The following CDC42BPB variants were observed in gnomAD, a reference collection of about 807,000 sequenced individuals.
CDC42BPB encodes CDC42 binding protein kinase beta.
In CDC42BPB, 37 loss-of-function variants were observed where a neutral mutation model predicts 214.9. The ratio of observed to expected loss-of-function variants is 0.17; its 90% CI spans 0.13 to 0.23. The LOEUF is 0.23. Among genes scored for constraint, CDC42BPB ranks in the 10% least tolerant of loss-of-function variants. The pLI, the probability that CDC42BPB is intolerant of heterozygous loss-of-function variation, is 1.00. For synonymous variants in CDC42BPB, 931 were observed against 884.0 expected (o/e 1.05, Z -0.94); for missense variants, 1,694 against 2,227.0 (o/e 0.76, Z 4.82).
intron 27 of CDC42BPB, 189 bp from the exon 28 acceptor site, chr14:102,946,873 G>A (rs1451615194): frequency 1.7e-5 from 17 of 984,880 alleles, no homozygotes; most frequent in South Asian, 1.4e-4. Flanking sequence ...CGGAAGGGGC[G>A]GGGTTCTAAA....
intron 3 of CDC42BPB, among the ~76,000 whole-genome samples, chr14:103,006,015 C>CAA (rs1172933917): frequency 5.3e-4 from 31 of 58,084 alleles, no homozygotes; most frequent in Middle Eastern, 9.8e-3. Flanking sequence ...AGAGACGTCT[C>CAA]AAAAAAAAAA....
At chr14:103,056,546 C>G (rs983718679) in intron 1 of CDC42BPB, among the ~76,000 whole-genome samples, 1 of 149,768 alleles carries the variant, frequency 6.7e-6, no homozygotes, top group South Asian at 2.1e-4. Context: ...ACACTGCCTC[C>G]GGACCCCAAA....
At chr14:102,964,913 TTTTC>T in intron 18 of CDC42BPB, 1 of 366,480 alleles carries the variant, frequency 2.7e-6, no homozygotes, top group Non-Finnish European at 3.8e-6. Flanking sequence ...GTGCAATTTC[TTTTC>T]TTTTCTTTTC....
chr14:103,022,278 G>A (rs566442518), intron 1 of CDC42BPB, among the ~76,000 whole-genome samples: 1 of 152,286 alleles, frequency 6.6e-6, no homozygotes, highest in East Asian at 1.9e-4. Flanking sequence ...CAGCAGTTTT[G>A]AGGGAGGCAG....
At chr14:103,011,796 C>A (rs776004583) in intron 2 of CDC42BPB, among the ~76,000 whole-genome samples, 2 of 152,082 alleles carry the variant, frequency 1.3e-5, no homozygotes, top group African/African-American at 2.4e-5. Context: ...TTGGTCCCAA[C>A]AATCTCCCAG....
intron 26 of CDC42BPB, 64 bp from the exon 27 acceptor site, chr14:102,947,866 G>T: frequency 6.3e-7 from 1 of 1,581,540 alleles, no homozygotes; most frequent in Non-Finnish European, 8.6e-7. Context: ...GCCCTCCCAC[G>T]CCCTGCCCTG....
rs1893704217 is a variant in CDC42BPB, at chr14:102,975,669, C to T, written c.1507+15G>A. 6.2e-7 allele frequency: 1 copy of T among 1,613,222 alleles called. No homozygotes were observed. Among genetic ancestry groups the T allele is most frequent in the African/African-American group, 1.3e-5 (1 of 75,048 alleles). ...CAAAAATAGAGACTAAGAAGTCACA[C>T]TTTTAAACACATACCTGCTATTTTA... On this transcript the variant is annotated intron_variant, in intron 11 of 36. Coordinates refer to ENST00000361246, the MANE Select transcript of CDC42BPB (RefSeq NM_006035.4).
intron 1 of CDC42BPB, among the ~76,000 whole-genome samples, chr14:103,050,675 T>G (rs112326933): frequency 1.4e-4 from 22 of 152,234 alleles, no homozygotes; most frequent in African/African-American, 5.1e-4. Context: ...GAGGACTGCC[T>G]GAGCCTGGGA....
At chr14:103,050,278 A>G (rs1888528438) in intron 1 of CDC42BPB, among the ~76,000 whole-genome samples, 1 of 152,230 alleles carries the variant, frequency 6.6e-6, no homozygotes, top group Admixed American at 6.5e-5. Context: ...AGAAAAGGCT[A>G]AAATAAAATA....
intron 1 of CDC42BPB, among the ~76,000 whole-genome samples, chr14:103,021,528 C>G (rs1035202064): frequency 6.7e-6 from 1 of 149,118 alleles, no homozygotes; most frequent in Admixed American, 6.7e-5. Flanking sequence ...GCTAAAAATA[C>G]AAAAATTAGC....
intron 34 of CDC42BPB, among the ~76,000 whole-genome samples, chr14:102,938,959 C>CG (rs1891763834): frequency 1.4e-5 from 2 of 144,912 alleles, no homozygotes; most frequent in South Asian, 4.4e-4. Flanking sequence ...TTTTTTGAGA[C>CG]GGAGTCTTGC....
intron 21 of CDC42BPB, among the ~76,000 whole-genome samples, chr14:102,959,283 C>A: frequency 8.6e-6 from 1 of 116,948 alleles, no homozygotes; most frequent in African/African-American, 3.1e-5. Context: ...GGTGACAGAG[C>A]AAGACTCCGT....
Position 102,986,549 on chromosome 14 carries a change from C to G in CDC42BPB, c.628G>C (p.Val210Leu). ...TCAGCCAGGCGGATATGACCATTCA[C>G]GTCCAAAAGGACATTGTCAGGTTTA... ...DIKPDNVLLD[V>L]NGHIRLADFG... Residue 210 changes from valine to leucine, a missense_variant, in exon 6 of 37, where the codon GTG becomes CTG. By Grantham distance (32) the Val-to-Leu change is conservative (BLOSUM62 1). This residue lies in a region of CDC42BPB where 225 missense variants were observed against 459.3 expected (regional missense o/e 0.49). Transcript: ENST00000361246. The G allele has an allele frequency of 6.2e-7, 1 of 1,613,934 alleles. No homozygotes were observed. The highest frequency in any genetic ancestry group is 8.5e-7 in the Non-Finnish European group (1 of 1,179,874).
chr14:102,976,561 C>T (rs1287542314), intron 9 of CDC42BPB, among the ~76,000 whole-genome samples: 5 of 152,266 alleles, frequency 3.3e-5, no homozygotes, highest in African/African-American at 1.2e-4. Flanking sequence ...ATGACGCACA[C>T]AGCCGAGGCA....
At chr14:102,954,924 G>C in intron 21 of CDC42BPB, 1 of 427,520 alleles carries the variant, frequency 2.3e-6, no homozygotes, top group Non-Finnish European at 3.1e-6. Flanking sequence ...AGTGGTGATT[G>C]CGTGGGCAGG....
At chr14:102,948,735 G>A (rs1202323554) in intron 26 of CDC42BPB, among the ~76,000 whole-genome samples, 3 of 148,884 alleles carry the variant, frequency 2.0e-5, no homozygotes, top group Admixed American at 6.7e-5. Context: ...GAGGGGGAGC[G>A]GGGTGTGGGA....
chr14:102,985,411 G>A (rs1441118921), intron 6 of CDC42BPB, among the ~76,000 whole-genome samples: 1 of 151,970 alleles, frequency 6.6e-6, no homozygotes, highest in Non-Finnish European at 1.5e-5. Flanking sequence ...GAGGTCAGGA[G>A]GGTAACCCAT....
chr14:103,039,685 G>A (rs1266741275), intron 1 of CDC42BPB, among the ~76,000 whole-genome samples: 3 of 152,096 alleles, frequency 2.0e-5, no homozygotes, highest in African/African-American at 4.8e-5. Flanking sequence ...AAGGCTACAC[G>A]CTTTCTCCCT....
intron 11 of CDC42BPB, 132 bp from the exon 12 acceptor site, chr14:102,974,281 T>TACACACACACACACACACACAC (rs71119749): frequency 2.3e-6 from 3 of 1,316,162 alleles, no homozygotes; most frequent in Admixed American, 3.5e-5. Context: ...TTTTTTTACT[T>TACACACACACACACACACACAC]ACACACACAC....
Sources: allele counts gnomAD v4.1 joint callset (sites outside exome capture counted in the v4.1 genomes callset), GRCh38; gene constraint gnomAD v4.1.1; regional missense constraint gnomAD v4.1.1; transcripts MANE v1.5; gene names NCBI Gene and HGNC (gene_info 2026-07-23, HGNC 2026-07-21).